Variants in SEC14L5 observed in about 807,000 individuals in gnomAD.
SEC14L5 encodes the protein SEC14-like protein 5.
Under a neutral mutation model 84.6 loss-of-function variants are expected in SEC14L5, and 96 were observed. The ratio of observed to expected loss-of-function variants is 1.13; its 90% confidence interval spans 0.96 to 1.34. The LOEUF is 1.34. SEC14L5 is among the 40% of genes most tolerant of loss of function. The probability of loss-of-function intolerance (pLI) is 0.00; values close to 1 mark genes in which losing one functional copy is unlikely to be tolerated. For missense variants in SEC14L5, 1,224 were observed against 942.5 expected (o/e 1.30, Z -3.91); for synonymous variants, 546 against 383.4 (o/e 1.42, Z -4.95).
Position 5,014,877 on chromosome 16 carries a change from G to A in SEC14L5, c.1998G>A (p.Leu666=), listed in dbSNP as rs1387161969. The change falls in exon 16 of 16, where the codon CTG becomes CTA. Residue 666 remains leucine, a synonymous_variant. Transcript: ENST00000251170. ...SEDFRGSMSS[L]ESCTSGFSQL... ...TCCCCAGGGGCTCCATGTCCAGCCT[G>A]GAATCCTGCACCAGCGGCTTCTCCC... 4.3e-6 allele frequency: 7 copies of A among 1,613,746 alleles called. No individual in the cohort carries two copies. The Admixed American group carries it at 5.0e-5, about 12-fold the overall frequency.
At position 5,011,006 on chromosome 16, in the gene SEC14L5, C is replaced by T. The variant is rs149473691; in HGVS notation, c.1801-89C>T. ...AGGGAGAAGAGCCCCAATTTCCAGGCCTGGTGATGAGAAGCCCATGAAGGC... is the reference window on the plus strand; with the variant it reads ...AGGGAGAAGAGCCCCAATTTCCAGGTCTGGTGATGAGAAGCCCATGAAGGC... On this transcript the variant is annotated intron_variant, in intron 14 of 15. Coordinates refer to ENST00000251170, the MANE Select transcript of SEC14L5 (RefSeq NM_014692.2). The T allele has an allele frequency of 7.9e-4, 1,028 of 1,296,226 alleles. 5 individuals carry two copies. The African/African-American group carries it at 0.014, about 17-fold the overall frequency. The allele number at this position is 1,296,226 out of a possible 1,614,324, so 80.3% of individuals were successfully genotyped here. A position where few individuals can be genotyped will look rare whatever the true frequency, so the allele number is the denominator to read the frequency against.
At chr16:5,007,011 C>A (rs773990937) in intron 12 of SEC14L5, among the ~76,000 whole-genome samples, 3 of 152,058 alleles carry the variant, frequency 2.0e-5, no homozygotes, top group Non-Finnish European at 4.4e-5. Context: ...AGAGGCCCCC[C>A]AGCCTGGCTG....
chr16:4,975,020 C>T lies in SEC14L5; in HGVS notation c.64-12537C>T, dbSNP rs180844569. 3.3e-5 allele frequency among the ~76,000 whole-genome samples: 5 copies of T among 152,086 alleles called. No individual in the cohort carries two copies. The East Asian group carries it at 5.8e-4, about 18-fold the overall frequency. On this transcript the variant is annotated intron_variant, in intron 2 of 15. Coordinates refer to ENST00000251170, the MANE Select transcript of SEC14L5 (RefSeq NM_014692.2). The stretch of plus-strand genomic sequence containing the variant: ...CTCAAACTCCTGACCTCAAGTAATC[C>T]GCCCACCTCAGCCTCCCAAAGTCCT...
chr16:5,000,726 G>T lies in SEC14L5; in HGVS notation c.1042G>T (p.Glu348Ter), dbSNP rs1374478037. Reference protein sequence around the residue: ...TKGLMKAVGEEALLRHVLSVN... With the variant: ...TKGLMKAVGE The stretch of plus-strand genomic sequence containing the variant: ...AGGCTTGATGAAGGCCGTGGGGGAG[G>T]AGGCGCTGCTGCGGCATGTGAGTCA... Residue 348 changes from glutamate to a stop codon, truncating the protein, a stop_gained, in exon 9 of 16, where the codon GAG becomes TAG. Transcript: ENST00000251170. LOFTEE classifies it high-confidence loss of function. 6.4e-7 allele frequency: 1 copy of T among 1,552,652 alleles called. No homozygotes were observed. The highest frequency in any genetic ancestry group is 2.4e-5 in the East Asian group (1 of 40,994).
chr16:4,963,038 C>G (rs181510226), intron 2 of SEC14L5, among the ~76,000 whole-genome samples: 8 of 152,298 alleles, frequency 5.3e-5, no homozygotes, highest in African/African-American at 1.7e-4. Flanking sequence ...TTCACTGCAT[C>G]CGAGTGACCA....
At position 4,991,359 on chromosome 16, in the gene SEC14L5, C is replaced by G. The variant is rs528939099; in HGVS notation, c.474+464C>G. Among the ~76,000 whole-genome samples the G allele has an allele frequency of 5.9e-5, 9 of 151,914 alleles. No homozygotes were observed. The South Asian group carries it at 1.9e-3, about 32-fold the overall frequency. Reference sequence around the variant, plus strand: ...GAGGCCCAGTTGAGCCCAGGAATTTCAGAGCAGTCTAGGCAACATAGTGGA... The same window carrying G: ...GAGGCCCAGTTGAGCCCAGGAATTTGAGAGCAGTCTAGGCAACATAGTGGA... On this transcript the variant is annotated intron_variant, in intron 5 of 15. Transcript: ENST00000251170.
In SEC14L5 at chr16:4,983,514, A is replaced by G. The variant is rs774673679; in HGVS notation, c.64-4043A>G. Among the ~76,000 whole-genome samples, 23 of 149,968 alleles carry G rather than the reference A, an allele frequency of 1.5e-4. 1 individual carries two copies. The highest frequency in any genetic ancestry group is 2.7e-4 in the Non-Finnish European group (18 of 67,610). ...ATTGTGTATAGAAAGATATATGCAC[A>G]CTATATAAATTGTGTATATTTATAT... On this transcript the variant is annotated intron_variant, in intron 2 of 15. Transcript: ENST00000251170.
At chr16:4,973,307 C>T (rs974801803) in intron 2 of SEC14L5, among the ~76,000 whole-genome samples, 6 of 152,194 alleles carry the variant, frequency 3.9e-5, no homozygotes, top group East Asian at 1.9e-4. Context: ...ATGTGTGTCC[C>T]GGGCTGGCTT....
At chr16:4,981,936 TC>T in intron 2 of SEC14L5, among the ~76,000 whole-genome samples, 1 of 152,136 alleles carries the variant, frequency 6.6e-6, no homozygotes, top group South Asian at 2.1e-4. Flanking sequence ...TGAAAGTGGG[TC>T]CAGCGTGGCT....
chr16:5,003,454 C>T lies in SEC14L5; in HGVS notation c.1183C>T (p.Arg395Trp), dbSNP rs781693718. 9 of 1,612,956 alleles carry T rather than the reference C, an allele frequency of 5.6e-6. No homozygotes were observed. Among genetic ancestry groups the T allele is most frequent in the Admixed American group, 1.7e-5 (1 of 59,984 alleles). ...LEGLNMRHLW[R>W]PGVKALLRMI... The stretch of plus-strand genomic sequence containing the variant: ...GGGACTCAACATGCGGCACCTGTGG[C>T]GGCCGGGGGTGAAGGCCCTGCTGCG... Residue 395 changes from arginine (R) to tryptophan (W), a missense_variant, in exon 11 of 16, where the codon CGG (arginine) becomes TGG (tryptophan). Physicochemically the swap from Arg to Trp is moderately radical, Grantham distance 101. Transcript: ENST00000251170.
At chr16:4,987,779 C>G in intron 3 of SEC14L5, 73 bp downstream of exon 3, 1 of 1,203,550 alleles carries the variant, frequency 8.3e-7, no homozygotes, top group Non-Finnish European at 1.1e-6. Flanking sequence ...GGCGCGGGAG[C>G]TGGGGACCAG....
rs1242871114 is a variant in SEC14L5 at position 5,008,240 on chromosome 16, A to G, written c.1573-181A>G. ...CGAGATAAGGATTCTTATGCCAGTG[A>G]TCTGTTGCAGGCGAGGTCTCAGGAG... is the stretch of plus-strand genomic sequence containing the variant. On this transcript the variant is annotated intron_variant, in intron 13 of 15. Transcript: ENST00000251170. Among the ~76,000 whole-genome samples the G allele has an allele frequency of 2.6e-5, 4 of 152,028 alleles. No individual in the cohort carries two copies. In the East Asian group the frequency reaches 7.7e-4, roughly 29 times the overall value.
At chr16:4,977,346 C>T (rs1038287740) in intron 2 of SEC14L5, among the ~76,000 whole-genome samples, 1 of 144,134 alleles carries the variant, frequency 6.9e-6, no homozygotes, top group African/African-American at 2.6e-5. Context: ...ACTTGGGAGG[C>T]CGAGGCAGGA....
chr16:5,018,591 T>G lies in SEC14L5; in HGVS notation c.*3621T>G, dbSNP rs1955899505. On this transcript the variant is annotated 3_prime_UTR_variant, in exon 16 of 16. Coordinates refer to ENST00000251170, the MANE Select transcript of SEC14L5 (RefSeq NM_014692.2). Reference sequence around the variant, plus strand: ...CTGAGGCAGAAGGATTGCTTGGAGGTCAAGGCTGGAGTGAGCCATGATCTC... The same window carrying G: ...CTGAGGCAGAAGGATTGCTTGGAGGGCAAGGCTGGAGTGAGCCATGATCTC... The G allele has an allele frequency of 6.6e-6, 1 of 151,936 alleles. No individual in the cohort carries two copies. Among genetic ancestry groups the G allele is most frequent in the Non-Finnish European group, 1.5e-5 (1 of 67,992 alleles). 9.4% of individuals were successfully genotyped at this position (151,936 alleles called of 1,614,324 possible).
intron 14 of SEC14L5, 113 bp downstream of exon 14, chr16:5,008,761 C>T: frequency 1.1e-6 from 1 of 920,892 alleles, no homozygotes; most frequent in Non-Finnish European, 1.7e-6. Context: ...TCCCCAGCCT[C>T]AGGGACCCTG....
In SEC14L5 at chr16:5,018,933, C is replaced by T. The variant is rs893364867; in HGVS notation, c.*3963C>T. ...ATGGGTTTTTTTGTTTGCCTGATCA[C>T]TTGCTCCAACCAGCAGCATTAAATG... is the stretch of plus-strand genomic sequence containing the variant. On this transcript the variant is annotated 3_prime_UTR_variant, in exon 16 of 16. Transcript: ENST00000251170. 19 of 152,300 alleles carry T rather than the reference C, an allele frequency of 1.2e-4. No homozygotes were observed. Among genetic ancestry groups the T allele is most frequent in the African/African-American group, 4.6e-4 (19 of 41,568 alleles). The allele number at this position is 152,300 out of a possible 1,614,324, so 9.4% of individuals were successfully genotyped here.
chr16:4,968,202 G>C (rs1448929226), intron 2 of SEC14L5, among the ~76,000 whole-genome samples: 2 of 147,908 alleles, frequency 1.4e-5, no homozygotes, highest in Admixed American at 6.7e-5. Flanking sequence ...TTTTTGAGAC[G>C]AAGTTTCGCT....
At chr16:5,013,052 C>A (rs983321280) in intron 15 of SEC14L5, among the ~76,000 whole-genome samples, 1 of 152,084 alleles carries the variant, frequency 6.6e-6, no homozygotes, top group African/African-American at 2.4e-5. Flanking sequence ...GCAGAGGAAG[C>A]CACACACTTT....
intron 4 of SEC14L5, among the ~76,000 whole-genome samples, chr16:4,989,827 C>T (rs2908685): frequency 0.11 from 17,314 of 151,992 alleles, 1,062 homozygotes; most frequent in Middle Eastern, 0.14. Context: ...GGGCTGCTTG[C>T]GAAATGCAGA....
Sources: gnomAD v4.1 joint callset for allele counts (sites outside exome capture counted in the v4.1 genomes callset) on GRCh38, gnomAD v4.1.1 for gene constraint, MANE v1.5 for transcripts, NCBI Gene and HGNC (gene_info 2026-07-23, HGNC 2026-07-21) for gene names.